The following PDGFD variants were observed in gnomAD, a reference collection of about 807,000 sequenced individuals.
PDGFD encodes platelet-derived growth factor D.
In PDGFD, 30 loss-of-function variants were observed where a neutral mutation model predicts 44.7. That is an observed-to-expected ratio of 0.67 (90% CI 0.50 to 0.91). The LOEUF (loss-of-function observed/expected upper bound fraction) is 0.91. Among genes scored for constraint, PDGFD ranks in the 40% least tolerant of loss-of-function variants. The probability of loss-of-function intolerance (pLI) is 0.00; values close to 1 mark genes in which losing one functional copy is unlikely to be tolerated. For synonymous variants in PDGFD, 173 were observed against 168.4 expected (o/e 1.03, Z -0.21); for missense variants, 445 against 457.8 (o/e 0.97, Z 0.25).
At chr11:104,007,881 C>T (rs535174864) in intron 1 of PDGFD, among the ~76,000 whole-genome samples, 23 of 149,098 alleles carry the variant, frequency 1.5e-4, no homozygotes, top group African/African-American at 4.9e-4. Context: ...TATAAACACC[C>T]ATTTTGCAAG....
At position 104,081,121 on chromosome 11, in the gene PDGFD, T is replaced by G. The variant is rs957573075; in HGVS notation, c.125-80866A>C. 7.9e-5 allele frequency among the ~76,000 whole-genome samples: 12 copies of G among 152,330 alleles called. No individual in the cohort carries two copies. The East Asian group carries it at 2.3e-3, about 29-fold the overall frequency. ...CTAAGAGATTATATATGTTTATTTT[T>G]GTTTTTTTTTAACTTCTTTCAGTAA... On this transcript the variant is annotated intron_variant, in intron 1 of 6. Coordinates refer to ENST00000393158, the MANE Select transcript of PDGFD (RefSeq NM_025208.5).
chr11:104,022,927 CT>C (rs1859985504), intron 1 of PDGFD, among the ~76,000 whole-genome samples: 1 of 151,570 alleles, frequency 6.6e-6, no homozygotes, highest in African/African-American at 2.4e-5. Context: ...GTTTTTTTTC[CT>C]GAAAGGTTTA....
intron 6 of PDGFD, among the ~76,000 whole-genome samples, chr11:103,926,514 AATGAT>A (rs1858317765): frequency 6.6e-6 from 1 of 152,218 alleles, no homozygotes; most frequent in African/African-American, 2.4e-5. Flanking sequence ...AAATTTATTA[AATGAT>A]ATAATTGAAT....
chr11:104,059,554 TC>T (rs1860678259), intron 1 of PDGFD, among the ~76,000 whole-genome samples: 1 of 152,210 alleles, frequency 6.6e-6, no homozygotes, highest in Admixed American at 6.5e-5. Context: ...TTAATTCAAA[TC>T]CAACTCTAAT....
intron 1 of PDGFD, among the ~76,000 whole-genome samples, chr11:104,130,961 G>T (rs1302021116): frequency 1.3e-5 from 2 of 152,038 alleles, no homozygotes; most frequent in Non-Finnish European, 2.9e-5. Context: ...CACAATATTT[G>T]CTTATCATTT....
At chr11:103,962,231 C>A (rs555026457) in intron 3 of PDGFD, among the ~76,000 whole-genome samples, 1 of 152,270 alleles carries the variant, frequency 6.6e-6, no homozygotes, top group East Asian at 1.9e-4. Context: ...ATGATAATAA[C>A]ATTTTCCACT....
intron 1 of PDGFD, 63 bp downstream of exon 1, chr11:104,163,737 TAGAA>T (rs1181550249): frequency 5.5e-6 from 8 of 1,442,062 alleles, no homozygotes; most frequent in African/African-American, 4.3e-5. Context: ...GGGAAAAACA[TAGAA>T]AGAACAATAA....
intron 1 of PDGFD, among the ~76,000 whole-genome samples, chr11:104,058,418 G>A (rs361323): frequency 0.44 from 66,782 of 151,936 alleles, 15,603 homozygotes; most frequent in African/African-American, 0.6. Context: ...TAGTCATTAG[G>A]AAAAAGCAAA....
At chr11:103,953,107 A>C (rs925471185) in intron 3 of PDGFD, among the ~76,000 whole-genome samples, 1 of 152,308 alleles carries the variant, frequency 6.6e-6, no homozygotes, top group South Asian at 2.1e-4. Context: ...TAAAGTCAGA[A>C]AGCATAAAAA....
intron 1 of PDGFD, among the ~76,000 whole-genome samples, chr11:104,119,561 A>G (rs1861729494): frequency 2.7e-5 from 2 of 73,568 alleles, no homozygotes; most frequent in Non-Finnish European, 4.5e-5. Context: ...TTGATATAAT[A>G]TATAATATAT....
At chr11:103,937,342 T>C (rs1858505216) in intron 5 of PDGFD, among the ~76,000 whole-genome samples, 1 of 152,148 alleles carries the variant, frequency 6.6e-6, no homozygotes, top group South Asian at 2.1e-4. Context: ...GAACACACTA[T>C]CATTCTAGAA....
At chr11:104,016,294 T>C (rs1859857246) in intron 1 of PDGFD, among the ~76,000 whole-genome samples, 1 of 152,244 alleles carries the variant, frequency 6.6e-6, no homozygotes, top group Non-Finnish European at 1.5e-5. Context: ...GCTGCTCTCC[T>C]TAAAATGTGA....
intron 6 of PDGFD, among the ~76,000 whole-genome samples, chr11:103,916,484 T>C (rs559839667): frequency 1.3e-5 from 2 of 152,306 alleles, no homozygotes; most frequent in East Asian, 3.9e-4. Flanking sequence ...TTTTCCACTG[T>C]TGGTGGGAAT....
rs867243162 is a variant in PDGFD, at chr11:104,000,201, C to T, written c.179G>A (p.Gly60Glu). ...YRRDETIQVK[G>E]NGYVQSPRFP... is the part of the protein sequence containing the mutation. ...TCTAGGACTCTGCACGTAGCCGTTTCCTTTCACCTGGATGGTCTCATCTCT... is the reference window on the plus strand; with the variant it reads ...TCTAGGACTCTGCACGTAGCCGTTTTCTTTCACCTGGATGGTCTCATCTCT... Residue 60 changes from glycine (G) to glutamate (E), a missense_variant, in exon 2 of 7, where the codon GGA becomes GAA. Transcript: ENST00000393158. The T allele has an allele frequency of 6.2e-7, 1 of 1,613,956 alleles. No homozygotes were observed. Among genetic ancestry groups the T allele is most frequent in the East Asian group, 2.2e-5 (1 of 44,870 alleles).
chr11:103,991,171 G>A (rs1190703179), intron 3 of PDGFD, among the ~76,000 whole-genome samples: 1 of 151,890 alleles, frequency 6.6e-6, no homozygotes, highest in Non-Finnish European at 1.5e-5. Flanking sequence ...CAGCTTAGGA[G>A]GATGATGCTC....
chr11:104,036,333 T>G (rs546960742), intron 1 of PDGFD, among the ~76,000 whole-genome samples: 83 of 152,032 alleles, frequency 5.5e-4, no homozygotes, highest in Non-Finnish European at 9.3e-4. Flanking sequence ...AGTTCCAGCT[T>G]TTCAGGAGGC....
chr11:103,982,178 C>T (rs1008760903), intron 3 of PDGFD, among the ~76,000 whole-genome samples: 4 of 151,668 alleles, frequency 2.6e-5, no homozygotes, highest in Non-Finnish European at 4.4e-5. Context: ...ATTGCAACAT[C>T]GGAGTAGGAG....
intron 6 of PDGFD, among the ~76,000 whole-genome samples, chr11:103,925,414 C>T (rs1858291914): frequency 6.6e-6 from 1 of 152,060 alleles, no homozygotes; most frequent in Non-Finnish European, 1.5e-5. Context: ...TATTTTAAAA[C>T]ATATTTCTGC....
intron 1 of PDGFD, among the ~76,000 whole-genome samples, chr11:104,127,076 T>G (rs73603971): frequency 2.1e-3 from 325 of 152,126 alleles, no homozygotes; most frequent in African/African-American, 7.5e-3. Flanking sequence ...CTTTTTCCTG[T>G]TTTACTCCAC....
Sources: allele counts gnomAD v4.1 joint callset (sites outside exome capture counted in the v4.1 genomes callset), GRCh38; gene constraint gnomAD v4.1.1; transcripts MANE v1.5; gene names NCBI Gene and HGNC (gene_info 2026-07-23, HGNC 2026-07-21).